PCDHA1: variants seen among roughly 807,000 people sequenced by gnomAD.
The protein encoded by PCDHA1 is protocadherin alpha 1, also known as protocadherin alpha-1.
Under a neutral mutation model 61.3 loss-of-function variants are expected in PCDHA1, and 42 were observed. The observed-to-expected ratio is 0.69, with a 90% CI of 0.54 to 0.89. The LOEUF is 0.89. PCDHA1 is among the 40% of genes least tolerant of loss of function. The probability of loss-of-function intolerance (pLI) is 0.00; values close to 1 mark genes in which losing one functional copy is unlikely to be tolerated. For missense variants in PCDHA1, 1,256 were observed against 1,235.3 expected, an observed-to-expected ratio of 1.02 and a Z score of -0.25; for synonymous variants, 610 against 553.8, an observed-to-expected ratio of 1.10 and a Z score of -1.43.
chr5:141,002,356 C>G (rs2098075572), intron 3 of PCDHA1, among the ~76,000 whole-genome samples: 1 of 152,272 alleles, frequency 6.6e-6, no homozygotes, highest in Non-Finnish European at 1.5e-5. Flanking sequence ...CACCTCCACT[C>G]CTTTCAACTC....
rs782044308 is a variant in PCDHA1 at position 140,788,163 on chromosome 5, G to T, written c.1873G>T (p.Gly625Trp). The T allele has an allele frequency of 1.2e-6, 2 of 1,614,032 alleles. No individual in the cohort carries two copies. Among genetic ancestry groups the T allele is most frequent in the East Asian group, 4.5e-5 (2 of 44,866 alleles). ...AGGARIPFRV[G>W]LYTGEISTTR... ...CGGCGCGCGCATCCCGTTCCGCGTGGGGCTGTACACGGGCGAGATCAGCAC... is the reference window on the plus strand; with the variant it reads ...CGGCGCGCGCATCCCGTTCCGCGTGTGGCTGTACACGGGCGAGATCAGCAC... Residue 625 changes from glycine (G) to tryptophan (W), a missense_variant, in exon 1 of 4, where the codon GGG becomes TGG. Transcript: ENST00000504120.
Position 140,870,321 on chromosome 5 carries a change from G to C in PCDHA1, c.2394+81637G>C, listed in dbSNP as rs1554164064. The C allele has an allele frequency of 1.9e-6, 3 of 1,614,222 alleles. No individual in the cohort carries two copies. In the Admixed American group the frequency reaches 5.0e-5, roughly 27 times the overall value. On this transcript the variant is annotated intron_variant, in intron 1 of 3. Transcript: ENST00000504120. Reference sequence around the variant, plus strand: ...CCACCTTCAAGAATTACTACTCGTTGGTGCTGGACAGCGCCCTGGACCGCG... The same window carrying C: ...CCACCTTCAAGAATTACTACTCGTTCGTGCTGGACAGCGCCCTGGACCGCG...
chr5:140,829,210 C>G (rs375156998), intron 1 of PCDHA1: 3 of 1,614,110 alleles, frequency 1.9e-6, no homozygotes, highest in Non-Finnish European at 2.5e-6. Context: ...CCCTAATTAG[C>G]GTGAACGACC....
At chr5:140,801,433 T>G (rs782752855) in intron 1 of PCDHA1, 24 of 1,613,818 alleles carry the variant, frequency 1.5e-5, no homozygotes, top group South Asian at 2.2e-5. Flanking sequence ...GAGGTAAATC[T>G]GCAGAATGGC....
chr5:140,807,105 G>C (rs1763844674), intron 1 of PCDHA1: 1 of 1,454,344 alleles, frequency 6.9e-7, no homozygotes, highest in African/African-American at 1.4e-5. Context: ...GGAGGATGCA[G>C]CTGCACTTGA....
chr5:140,876,651 T>TC, intron 1 of PCDHA1: 1 of 1,614,178 alleles, frequency 6.2e-7, no homozygotes, highest in South Asian at 1.1e-5. Context: ...CACCTCATGT[T>TC]CCCTTCAAGC....
chr5:140,857,375 G>C, intron 1 of PCDHA1: 1 of 1,598,360 alleles, frequency 6.3e-7, no homozygotes. Flanking sequence ...CGTGTCTGTG[G>C]AGGTGGCCGA....
At chr5:140,984,174 G>A (rs557769828) in intron 3 of PCDHA1, among the ~76,000 whole-genome samples, 25 of 152,318 alleles carry the variant, frequency 1.6e-4, no homozygotes, top group African/African-American at 5.8e-4. Flanking sequence ...AAGAAGCCAC[G>A]TGAAATCATG....
At chr5:140,788,707 G>T in intron 1 of PCDHA1, 23 bp downstream of exon 1, 1 of 1,517,230 alleles carries the variant, frequency 6.6e-7, no homozygotes, top group East Asian at 2.3e-5. Context: ...TTCGAGTTTT[G>T]GCTTTAAATA....
chr5:140,802,368 C>A (rs781811725), intron 1 of PCDHA1: 1 of 1,614,230 alleles, frequency 6.2e-7, no homozygotes, highest in Non-Finnish European at 8.5e-7. Context: ...CTCGCTGACG[C>A]CCCACGTCCC....
At chr5:140,884,307 C>G (rs144612735) in intron 1 of PCDHA1, 1 of 1,613,724 alleles carries the variant, frequency 6.2e-7, no homozygotes. Context: ...CAGGCTTCGT[C>G]GAGGGCGTCG....
At chr5:140,978,246 C>G (rs1243560833) in intron 1 of PCDHA1, among the ~76,000 whole-genome samples, 1 of 152,148 alleles carries the variant, frequency 6.6e-6, no homozygotes, top group Admixed American at 6.5e-5. Context: ...TCAGCTACTC[C>G]CTGTTAAACA....
rs781962432 is a variant in PCDHA1 at position 140,787,507 on chromosome 5, C to A, written c.1217C>A (p.Ser406Ter). Reference protein sequence around the residue: ...KLVSTFKNYYSLVLDSALDRE... With the variant: ...KLVSTFKNYY ...GTGTCCACCTTCAAGAATTACTACT[C>A]GTTGGTGTTGGACAGCGCCCTGGAT... The change falls in exon 1 of 4, where the codon TCG becomes TAG. Residue 406 changes from serine to a stop codon, truncating the protein, a stop_gained. Transcript: ENST00000504120. LOFTEE classifies it high-confidence loss of function. 2 of 1,614,202 alleles carry A rather than the reference C, an allele frequency of 1.2e-6. No homozygotes were observed. Among genetic ancestry groups the A allele is most frequent in the East Asian group, 4.5e-5 (2 of 44,886 alleles).
intron 1 of PCDHA1, chr5:140,801,678 G>A: frequency 1.2e-6 from 2 of 1,614,224 alleles, no homozygotes; most frequent in South Asian, 1.1e-5. Flanking sequence ...ATCAGATGCA[G>A]ATATCGGAAC....
At chr5:140,984,052 A>G (rs2097083396) in intron 3 of PCDHA1, among the ~76,000 whole-genome samples, 2 of 152,204 alleles carry the variant, frequency 1.3e-5, no homozygotes, top group African/African-American at 4.8e-5. Context: ...TCATTGACAA[A>G]TCTGTACCCT....
In PCDHA1 at chr5:140,856,327, G is replaced by A; in HGVS notation, c.2394+67643G>A. On this transcript the variant is annotated intron_variant, in intron 1 of 3. Transcript: ENST00000504120. ...TGAATTCTCGGATTGACCGCGAGGAGCTGTGCGGGCGGAGCGTGGAGTGCA... is the reference window on the plus strand; with the variant it reads ...TGAATTCTCGGATTGACCGCGAGGAACTGTGCGGGCGGAGCGTGGAGTGCA... The A allele has an allele frequency of 1.4e-5, 22 of 1,598,708 alleles. 1 individual carries two copies. Among genetic ancestry groups the A allele is most frequent in the South Asian group, 3.3e-5 (3 of 90,534 alleles).
chr5:140,879,806 T>C (rs2058125905), intron 1 of PCDHA1, among the ~76,000 whole-genome samples: 1 of 152,250 alleles, frequency 6.6e-6, no homozygotes, highest in Non-Finnish European at 1.5e-5. Context: ...CCAGTTTCTA[T>C]TGGCTGTTGG....
At chr5:140,814,900 A>G (rs1231594923) in intron 1 of PCDHA1, 1 of 152,154 alleles carries the variant, frequency 6.6e-6, no homozygotes, top group Non-Finnish European at 1.5e-5. Context: ...TATAATTGCT[A>G]TGTCCTTCTG....
At chr5:140,957,397 A>C (rs553656426) in intron 1 of PCDHA1, among the ~76,000 whole-genome samples, 1 of 152,282 alleles carries the variant, frequency 6.6e-6, no homozygotes, top group South Asian at 2.1e-4. Context: ...AATTGTCCTA[A>C]TTTATTATTA....
Sources: gnomAD v4.1 joint callset for allele counts (sites outside exome capture counted in the v4.1 genomes callset) on GRCh38, gnomAD v4.1.1 for gene constraint, MANE v1.5 for transcripts, NCBI Gene and HGNC (gene_info 2026-07-23, HGNC 2026-07-21) for gene names.